LOC128462377: variants seen among roughly 807,000 people sequenced by gnomAD.
chr16:89,415,303 C>T, the LOC128462377 span, among the ~76,000 whole-genome samples: 35 of 124,626 alleles, frequency 2.8e-4, 1 homozygote, highest in South Asian at 8.9e-3. Context: ...CTCCCTCTGT[C>T]GCCCAGGCTG....
the LOC128462377 span, among the ~76,000 whole-genome samples, chr16:89,381,354 A>AGGGGG: frequency 3.9e-4 from 49 of 125,338 alleles, no homozygotes; most frequent in East Asian, 5.1e-3. Flanking sequence ...AAAAAAAAAA[A>AGGGGG]GGGGTGAGAA....
At chr16:89,368,818 T>C in the LOC128462377 span, among the ~76,000 whole-genome samples, 38 of 152,212 alleles carry the variant, frequency 2.5e-4, no homozygotes, top group African/African-American at 7.7e-4. Context: ...GCGGGATCGC[T>C]TGAGCCAGGA....
chr16:89,390,686 G>A, the LOC128462377 span, among the ~76,000 whole-genome samples: 37 of 152,208 alleles, frequency 2.4e-4, no homozygotes, highest in African/African-American at 8.7e-4. Flanking sequence ...GGTTCTCGGG[G>A]AAACAGTGAG....
At chr16:89,376,723 G>A in the LOC128462377 span, among the ~76,000 whole-genome samples, 19 of 152,134 alleles carry the variant, frequency 1.2e-4, no homozygotes, top group East Asian at 1.9e-4. Flanking sequence ...ACAGGCGTGC[G>A]CCACCACGCC....
the LOC128462377 span, among the ~76,000 whole-genome samples, chr16:89,386,172 T>G: frequency 6.6e-6 from 1 of 152,218 alleles, no homozygotes; most frequent in Non-Finnish European, 1.5e-5. Context: ...AATGAACAAT[T>G]CATCTTTTAA....
the LOC128462377 span, among the ~76,000 whole-genome samples, chr16:89,393,639 G>A: frequency 9.2e-5 from 14 of 152,010 alleles, no homozygotes; most frequent in African/African-American, 3.4e-4. Flanking sequence ...ACTGCGCCCG[G>A]CCTAGTTTCC....
the LOC128462377 span, chr16:89,329,055 C>T: frequency 2.0e-5 from 3 of 151,290 alleles, no homozygotes; most frequent in African/African-American, 7.4e-5. Flanking sequence ...CCCAGGAGCA[C>T]GGGCGAATCA....
chr16:89,343,765 C>T, the LOC128462377 span: 1 of 152,356 alleles, frequency 6.6e-6, no homozygotes, highest in Non-Finnish European at 1.5e-5. Flanking sequence ...TGAGCAGTCA[C>T]CAGTGCAGCC....
At chr16:89,396,974 G>A in the LOC128462377 span, among the ~76,000 whole-genome samples, 1 of 152,154 alleles carries the variant, frequency 6.6e-6, no homozygotes, top group African/African-American at 2.4e-5. Flanking sequence ...ATAGGCATGA[G>A]CCAGGGGACT....
the LOC128462377 span, among the ~76,000 whole-genome samples, chr16:89,353,080 C>T: frequency 1.3e-5 from 2 of 152,204 alleles, no homozygotes; most frequent in African/African-American, 2.4e-5. Flanking sequence ...TGGCTCACGC[C>T]TGTAATTAAT....
At chr16:89,410,947 C>T in the LOC128462377 span, among the ~76,000 whole-genome samples, 2 of 152,260 alleles carry the variant, frequency 1.3e-5, no homozygotes, top group African/African-American at 4.8e-5. Flanking sequence ...GCTCCTGCTG[C>T]CAAAGTCAAC....
the LOC128462377 span, among the ~76,000 whole-genome samples, chr16:89,350,488 G>A: frequency 6.6e-6 from 1 of 152,110 alleles, no homozygotes; most frequent in African/African-American, 2.4e-5. Context: ...GTAAACTACT[G>A]ACATACACCA....
At chr16:89,391,530 T>C in the LOC128462377 span, among the ~76,000 whole-genome samples, 52 of 152,332 alleles carry the variant, frequency 3.4e-4, no homozygotes, top group African/African-American at 1.2e-3. Context: ...GCGTTTTCTG[T>C]GTTGACTGTC....
the LOC128462377 span, among the ~76,000 whole-genome samples, chr16:89,334,570 G>A: frequency 6.6e-6 from 1 of 152,046 alleles, no homozygotes; most frequent in Non-Finnish European, 1.5e-5. Context: ...CATGCTATGG[G>A]GCCATGAGAA....
the LOC128462377 span, among the ~76,000 whole-genome samples, chr16:89,382,218 G>C: frequency 1.3e-5 from 2 of 152,260 alleles, no homozygotes; most frequent in East Asian, 3.9e-4. Context: ...TAAGGCCACT[G>C]ACCAGGGCAG....
chr16:89,417,554 G>C, the LOC128462377 span, among the ~76,000 whole-genome samples: 2 of 152,084 alleles, frequency 1.3e-5, no homozygotes, highest in African/African-American at 4.8e-5. Context: ...CCCAGGAGGA[G>C]GCAAGGAGTC....
the LOC128462377 span, among the ~76,000 whole-genome samples, chr16:89,371,274 T>G: frequency 6.6e-6 from 1 of 152,184 alleles, no homozygotes; most frequent in South Asian, 2.1e-4. Context: ...AGGTTCAGCA[T>G]GACACCACTA....
the LOC128462377 span, among the ~76,000 whole-genome samples, chr16:89,416,956 C>T: frequency 1.3e-5 from 2 of 152,162 alleles, no homozygotes; most frequent in African/African-American, 4.8e-5. Flanking sequence ...CACAACCAGG[C>T]TCAGTCCACC....
chr16:89,400,885 C>T, the LOC128462377 span, among the ~76,000 whole-genome samples: 34 of 152,236 alleles, frequency 2.2e-4, no homozygotes, highest in African/African-American at 6.0e-4. Context: ...ACACCTTGGA[C>T]GCCTGTCGCC....
Sources: allele counts gnomAD v4.1 joint callset (sites outside exome capture counted in the v4.1 genomes callset), GRCh38; gene constraint gnomAD v4.1.1; transcripts MANE v1.5.